The following MYH14 variants were observed in gnomAD, a reference collection of about 807,000 sequenced individuals.
MYH14 encodes the protein myosin heavy chain 14.
MYH14 carries 123 observed loss-of-function variants against 255.5 expected under a neutral mutation model. The ratio of observed to expected loss-of-function variants is 0.48; its 90% CI spans 0.42 to 0.56. MYH14 has a LOEUF of 0.56. MYH14 is among the 20% of genes least tolerant of loss of function. MYH14 has a pLI of 0.00. For synonymous variants in MYH14, 1,095 were observed against 1,161.2 expected (o/e 0.94, Z 1.16); for missense variants, 2,423 against 2,802.3 (o/e 0.86, Z 3.06).
Position 50,293,151 on chromosome 19 carries a change from G to T in MYH14, c.5257-82G>T. On this transcript the variant is annotated intron_variant, in intron 37 of 42. Coordinates refer to ENST00000642316, the MANE Select transcript of MYH14 (RefSeq NM_001145809.2). This position sits in a 1 kb window ranked among gnomAD's most constrained non-coding sequence, Gnocchi z 4.1. ...TGAGAAAAAAGCCAAGAGCCTTGAG[G>T]TGTGAGGGACAGAGAAAGGGGTGAG... 1.0e-6 allele frequency: 1 copy of T among 969,328 alleles called. No homozygotes were observed. Among genetic ancestry groups the T allele is most frequent in the Non-Finnish European group, 1.6e-6 (1 of 615,242 alleles). 60.0% of individuals were successfully genotyped at this position (969,328 alleles called of 1,614,324 possible).
At chr19:50,273,884 G>T (rs966749698) in intron 27 of MYH14, among the ~76,000 whole-genome samples, 19 of 152,102 alleles carry the variant, frequency 1.2e-4, no homozygotes, top group African/African-American at 3.9e-4. Flanking sequence ...TGATCCATTC[G>T]CTGAGGTTAG....
intron 1 of MYH14, among the ~76,000 whole-genome samples, chr19:50,209,227 A>G (rs1006940240): frequency 4.6e-5 from 7 of 152,192 alleles, no homozygotes; most frequent in African/African-American, 1.7e-4. Flanking sequence ...GACACATGCC[A>G]CATTGCAAGT....
Position 50,210,084 on chromosome 19 carries a change from G to A in MYH14, c.-3-279G>A, listed in dbSNP as rs1367208549. Among the ~76,000 whole-genome samples the A allele has an allele frequency of 1.5e-4, 17 of 110,636 alleles. No homozygotes were observed. In the Admixed American group the frequency reaches 1.7e-3, roughly 11 times the overall value. 72.6% of individuals were successfully genotyped at this position (110,636 alleles called of 152,430 possible). A position where few individuals can be genotyped will look rare whatever the true frequency, so the allele number is the denominator to read the frequency against. ...TTGCACTCCAGCCTGGGCAACAAGC[G>A]AGACTCCGTCTCAAAAAAAAAAAAA... On this transcript the variant is annotated intron_variant, in intron 1 of 42. Coordinates refer to ENST00000642316, the MANE Select transcript of MYH14 (RefSeq NM_001145809.2).
rs1331461472 is a variant in MYH14, at chr19:50,293,205, C to G, written c.5257-28C>G. The G allele has an allele frequency of 6.4e-7, 1 of 1,556,244 alleles. No homozygotes were observed. The highest frequency in any genetic ancestry group is 8.7e-7 in the Non-Finnish European group (1 of 1,143,922). On this transcript the variant is annotated intron_variant, in intron 37 of 42. Coordinates refer to ENST00000642316, the MANE Select transcript of MYH14 (RefSeq NM_001145809.2). The surrounding 1 kb of genome is among the most constrained non-coding windows in gnomAD (Gnocchi z 4.1). ...CGTGCCCAGATTGCTTCTCCTCACA[C>G]CCACCGGCCACCCCTCCATCATCAC...
intron 11 of MYH14, among the ~76,000 whole-genome samples, chr19:50,246,137 T>C (rs866844648): frequency 1.3e-4 from 8 of 62,022 alleles, no homozygotes; most frequent in Non-Finnish European, 2.0e-4. Flanking sequence ...CCTTCCCTCC[T>C]TCCTTCCTTC....
intron 33 of MYH14, 111 bp downstream of exon 33, chr19:50,281,953 T>C (rs371864955): frequency 1.7e-6 from 2 of 1,196,952 alleles, no homozygotes. Context: ...TAGGCAGTTG[T>C]AGTGGACCAG....
intron 10 of MYH14, among the ~76,000 whole-genome samples, chr19:50,236,665 GC>G (rs2033672834): frequency 5.3e-5 from 8 of 151,904 alleles, no homozygotes; most frequent in Admixed American, 4.6e-4. Context: ...CCAAGATTAA[GC>G]CACTGCACTC....
chr19:50,206,080 G>A (rs935519402), intron 1 of MYH14, among the ~76,000 whole-genome samples: 7 of 152,118 alleles, frequency 4.6e-5, no homozygotes, highest in Admixed American at 2.6e-4. Context: ...AGAGAGGCTC[G>A]GCCACTTGGA....
intron 39 of MYH14, among the ~76,000 whole-genome samples, chr19:50,297,671 T>G (rs1415647587): frequency 1.3e-5 from 2 of 149,884 alleles, no homozygotes; most frequent in Admixed American, 6.6e-5. Flanking sequence ...TAATTTTTTT[T>G]GTATTTTTAG....
intron 13 of MYH14, 159 bp downstream of exon 13, chr19:50,249,298 G>C: frequency 1.1e-6 from 1 of 871,264 alleles, no homozygotes; most frequent in Admixed American, 3.1e-5. Flanking sequence ...CCTCTCTCTG[G>C]GTCTCTGTCC....
intron 32 of MYH14, 130 bp from the exon 33 acceptor site, chr19:50,281,464 G>C (rs1392801964): frequency 3.7e-6 from 5 of 1,343,298 alleles, no homozygotes; most frequent in Non-Finnish European, 3.0e-6. Flanking sequence ...AGAGGCAGAA[G>C]AGCCCAGCAG....
rs1172837816 is a variant in MYH14, at chr19:50,260,639, A to T, written c.2355-7A>T. 1.9e-6 allele frequency: 3 copies of T among 1,609,958 alleles called. No homozygotes were observed. In the African/African-American group the frequency reaches 4.0e-5, roughly 22 times the overall value. ...CTCTCCTCCCCACCCCTCCCTGCTC[A>T]TTGCAGATACGAGATCCTGACACCC... is the stretch of plus-strand genomic sequence containing the variant. On this transcript the variant is annotated splice_polypyrimidine_tract_variant and splice_region_variant and intron_variant, in intron 19 of 42. Coordinates refer to ENST00000642316, the MANE Select transcript of MYH14 (RefSeq NM_001145809.2).
At chr19:50,217,897 G>A in intron 3 of MYH14, 126 bp downstream of exon 3, 1 of 1,148,880 alleles carries the variant, frequency 8.7e-7, no homozygotes, top group Non-Finnish European at 1.2e-6. Flanking sequence ...GGGCTTCTTA[G>A]GGGGCTGGAG....
At chr19:50,218,555 G>T (rs747322781) in intron 3 of MYH14, among the ~76,000 whole-genome samples, 4 of 151,950 alleles carry the variant, frequency 2.6e-5, no homozygotes, top group African/African-American at 9.6e-5. Flanking sequence ...CCGAGATCGC[G>T]CCACTGCACT....
intron 25 of MYH14, 43 bp from the exon 26 acceptor site, chr19:50,271,806 C>T (rs1198903215): frequency 6.2e-7 from 1 of 1,610,154 alleles, no homozygotes; most frequent in Non-Finnish European, 8.5e-7. Context: ...CTGCTCCTGG[C>T]CCAACTCCTC....
intron 36 of MYH14, among the ~76,000 whole-genome samples, chr19:50,291,778 T>G (rs2036083955): frequency 6.6e-6 from 1 of 152,042 alleles, no homozygotes; most frequent in Non-Finnish European, 1.5e-5. Flanking sequence ...GGCAGGAGAA[T>G]TGCTTGAATC....
At chr19:50,236,642 A>G (rs1362097802) in intron 10 of MYH14, among the ~76,000 whole-genome samples, 1 of 152,018 alleles carries the variant, frequency 6.6e-6, no homozygotes, top group African/African-American at 2.4e-5. Context: ...CGGGAGGCGG[A>G]GGTTGCAGTG....
intron 8 of MYH14, among the ~76,000 whole-genome samples, chr19:50,229,016 C>T (rs2033248615): frequency 6.6e-6 from 1 of 152,166 alleles, no homozygotes; most frequent in South Asian, 2.1e-4. Flanking sequence ...CGAGAGTCCC[C>T]ATGATATCTC....
Position 50,226,918 on chromosome 19 carries a change from A to G in MYH14, c.826A>G (p.Ile276Val), listed in dbSNP as rs55645295. 7.8e-4 allele frequency: 1,256 copies of G among 1,613,758 alleles called. 8 individuals carry two copies. In the African/African-American group the frequency reaches 0.015, roughly 19 times the overall value. ...NSSRFGKFIR[I>V]NFDVAGYIVG... ...TCTCTCCCAGGGCAAATTCATCCGC[A>G]TCAACTTTGATGTTGCCGGGTACAT... Residue 276 changes from isoleucine (I) to valine (V), a missense_variant, in exon 8 of 43, where the codon ATC (isoleucine) becomes GTC (valine). By Grantham distance (29) the Ile-to-Val change is conservative. This residue lies in a region of MYH14 where 672 missense variants were observed against 881.8 expected (regional missense o/e 0.76). Coordinates refer to ENST00000642316, the MANE Select transcript of MYH14 (RefSeq NM_001145809.2).
Sources: gnomAD v4.1 joint callset for allele counts (sites outside exome capture counted in the v4.1 genomes callset) on GRCh38, gnomAD v4.1.1 for gene constraint, gnomAD v4.1.1 regional missense constraint, Gnocchi (gnomAD v3.1) non-coding constraint, MANE v1.5 for transcripts, NCBI Gene and HGNC (gene_info 2026-07-23, HGNC 2026-07-21) for gene names.